The following BLTP3B variants were observed in gnomAD, a reference collection of about 807,000 sequenced individuals.
BLTP3B encodes the protein bridge-like lipid transfer protein family member 3B.
chr12:100,048,962 G>A, the BLTP3B span, among the ~76,000 whole-genome samples: 1 of 152,026 alleles, frequency 6.6e-6, no homozygotes, highest in Non-Finnish European at 1.5e-5. Flanking sequence ...TGAAACCCCT[G>A]AAGTAAATTA....
At chr12:100,059,734 G>A in the BLTP3B span, 1 of 1,208,618 alleles carries the variant, frequency 8.3e-7, no homozygotes, top group Non-Finnish European at 1.1e-6. Flanking sequence ...ACTAAGAAGA[G>A]AATCTTTTTA....
At chr12:100,052,963 T>A in the BLTP3B span, among the ~76,000 whole-genome samples, 2 of 151,612 alleles carry the variant, frequency 1.3e-5, no homozygotes, top group Non-Finnish European at 2.9e-5. Context: ...CTGGCTAATT[T>A]TTTGTATTTT....
the BLTP3B span, among the ~76,000 whole-genome samples, chr12:100,049,362 GT>G: frequency 6.6e-6 from 1 of 152,160 alleles, no homozygotes; most frequent in African/African-American, 2.4e-5. Flanking sequence ...TCATGATGGA[GT>G]TTTAAAAATT....
At chr12:100,106,364 A>G in the BLTP3B span, among the ~76,000 whole-genome samples, 1 of 152,190 alleles carries the variant, frequency 6.6e-6, no homozygotes, top group Non-Finnish European at 1.5e-5. Flanking sequence ...CTAAGTGCCC[A>G]TCAACCTATG....
chr12:100,070,417 G>A, the BLTP3B span, among the ~76,000 whole-genome samples: 4 of 151,844 alleles, frequency 2.6e-5, no homozygotes, highest in East Asian at 1.9e-4. Flanking sequence ...GTGCCACCAC[G>A]CACGGCTAAT....
the BLTP3B span, among the ~76,000 whole-genome samples, chr12:100,123,979 A>G: frequency 6.6e-6 from 1 of 152,198 alleles, no homozygotes; most frequent in Admixed American, 6.5e-5. Context: ...AACCTTTAAA[A>G]TAGGATAGGC....
At chr12:100,122,457 A>G in the BLTP3B span, among the ~76,000 whole-genome samples, 1 of 152,236 alleles carries the variant, frequency 6.6e-6, no homozygotes, top group Non-Finnish European at 1.5e-5. Context: ...TTCCATTATC[A>G]TACTGATAAA....
chr12:100,053,239 G>A, the BLTP3B span, among the ~76,000 whole-genome samples: 3 of 151,480 alleles, frequency 2.0e-5, no homozygotes, highest in Non-Finnish European at 2.9e-5. Flanking sequence ...ACCCCATCTC[G>A]ACTAAAAATA....
chr12:100,051,152 T>C, the BLTP3B span: 4 of 1,614,050 alleles, frequency 2.5e-6, no homozygotes, highest in African/African-American at 2.7e-5. Context: ...ACCATAATTC[T>C]GTAGGTTTGC....
chr12:100,050,401 C>T, the BLTP3B span: 10 of 1,267,746 alleles, frequency 7.9e-6, no homozygotes, highest in South Asian at 7.8e-5. Flanking sequence ...ACTACCATTA[C>T]CCTCTAAAAA....
the BLTP3B span, among the ~76,000 whole-genome samples, chr12:100,140,271 CTTTA>C: frequency 7.2e-5 from 11 of 151,768 alleles, no homozygotes; most frequent in Non-Finnish European, 1.2e-4. Context: ...ATTTGATACT[CTTTA>C]GTCACCTGAG....
chr12:100,142,824 G>C, the BLTP3B span: 3 of 752,900 alleles, frequency 4.0e-6, no homozygotes, highest in African/African-American at 1.9e-5. Context: ...CGCTCAGGCC[G>C]CCACGGCCGC....
At chr12:100,045,071 T>G in the BLTP3B span, among the ~76,000 whole-genome samples, 3 of 152,180 alleles carry the variant, frequency 2.0e-5, no homozygotes, top group African/African-American at 7.2e-5. Flanking sequence ...CAAGGAGAAC[T>G]ACAAACCACT....
the BLTP3B span, among the ~76,000 whole-genome samples, chr12:100,131,977 A>G: frequency 6.6e-6 from 1 of 152,166 alleles, no homozygotes; most frequent in Non-Finnish European, 1.5e-5. Flanking sequence ...TTTTAAGTAG[A>G]GATGGGGTTT....
the BLTP3B span, among the ~76,000 whole-genome samples, chr12:100,121,793 C>T: frequency 1.3e-5 from 2 of 152,128 alleles, no homozygotes; most frequent in African/African-American, 4.8e-5. Flanking sequence ...CGTGCCACTG[C>T]ACTCCAGCCT....
chr12:100,119,912 GA>G, the BLTP3B span, among the ~76,000 whole-genome samples: 3 of 152,032 alleles, frequency 2.0e-5, no homozygotes, highest in Non-Finnish European at 4.4e-5. Context: ...AATCATAGGA[GA>G]AAAAAATAAG....
the BLTP3B span, among the ~76,000 whole-genome samples, chr12:100,104,868 A>G: frequency 1.4e-5 from 2 of 141,284 alleles, no homozygotes; most frequent in Admixed American, 1.4e-4. Context: ...CCCTTTTACA[A>G]TAACTACTGC....
At chr12:100,096,534 T>G in the BLTP3B span, among the ~76,000 whole-genome samples, 1 of 152,030 alleles carries the variant, frequency 6.6e-6, no homozygotes, top group Non-Finnish European at 1.5e-5. Flanking sequence ...ATAAAAATGT[T>G]TAGGCCAGGC....
the BLTP3B span, chr12:100,142,855 C>G: frequency 1.7e-6 from 1 of 583,134 alleles, no homozygotes; most frequent in South Asian, 2.1e-5. Context: ...ATCTTGGCTG[C>G]AGCATCACCT....
Sources: gnomAD v4.1 joint callset for allele counts (sites outside exome capture counted in the v4.1 genomes callset) on GRCh38, gnomAD v4.1.1 for gene constraint, MANE v1.5 for transcripts, NCBI Gene and HGNC (gene_info 2026-07-23, HGNC 2026-07-21) for gene names.